Variants in MFSD12 observed in about 807,000 individuals in gnomAD.
MFSD12 encodes major facilitator superfamily domain-containing protein 12.
In MFSD12, 67 loss-of-function variants were observed where a neutral mutation model predicts 51.2. The observed-to-expected ratio is 1.31, with a 90% CI of 1.08 to 1.60. The LOEUF is 1.60. Among genes scored for constraint, MFSD12 ranks in the 40% most tolerant of loss-of-function variants. The pLI is 0.00. For missense variants in MFSD12, 921 were observed against 673.0 expected (o/e 1.37, Z -4.08); for synonymous variants, 441 against 316.7 (o/e 1.39, Z -4.17).
chr19:3,548,101 ACC>A lies in MFSD12; in HGVS notation c.654+20_654+21del. 1 of 1,603,176 alleles carries A rather than the reference ACC, an allele frequency of 6.2e-7. No individual in the cohort carries two copies. The highest frequency in any genetic ancestry group is 8.5e-7 in the Non-Finnish European group (1 of 1,178,656). On this transcript the variant is annotated intron_variant, in intron 3 of 9. Coordinates refer to ENST00000355415, the MANE Select transcript of MFSD12 (RefSeq NM_174983.5). ...GCCCCTGGCTCGAGGACTTCAGGCGACCCACCCGGACTCCAGCTCACCCGGAA... is the reference window on the plus strand; with the variant it reads ...GCCCCTGGCTCGAGGACTTCAGGCGACACCCGGACTCCAGCTCACCCGGAA...
downstream of MFSD12, chr19:3,543,409 C>T (rs1465902061): frequency 6.5e-7 from 1 of 1,548,218 alleles, no homozygotes; most frequent in Middle Eastern, 1.9e-4. Flanking sequence ...CGGCCAGCCC[C>T]TTCCGCGAGG....
At chr19:3,546,199 G>C in intron 7 of MFSD12, 31 bp from the exon 8 acceptor site, 1 of 1,609,964 alleles carries the variant, frequency 6.2e-7, no homozygotes, top group Non-Finnish European at 8.5e-7. Context: ...TGGTCAGCGT[G>C]CACCCCGAGA....
downstream of MFSD12, among the ~76,000 whole-genome samples, chr19:3,540,481 C>A (rs898626761): frequency 1.3e-5 from 2 of 150,650 alleles, no homozygotes; most frequent in African/African-American, 4.9e-5. Context: ...TGGTCTCGAT[C>A]TCCTGACCTC....
chr19:3,539,398 C>T, downstream of MFSD12: 1 of 615,414 alleles, frequency 1.6e-6, no homozygotes, highest in Non-Finnish European at 3.0e-6. Context: ...GTGACGTCCC[C>T]TCCAGCTCTT....
chr19:3,542,537 G>A (rs922131147), downstream of MFSD12: 5 of 887,238 alleles, frequency 5.6e-6, no homozygotes, highest in Non-Finnish European at 6.7e-6. Flanking sequence ...GCAAGGGCAC[G>A]ATCTCAGCTT....
chr19:3,539,048 C>G (rs1000861814), intron 4 of MFSD12: 1 of 656,762 alleles, frequency 1.5e-6, no homozygotes. Context: ...GCCCTTCCCT[C>G]GAGGCCACCT....
At position 3,551,820 on chromosome 19, in the gene MFSD12, C is replaced by A. The variant is rs1439603129; in HGVS notation, c.299-626G>T. ...CTGCCCTGTCCCCTCCGTGCCCTGC[C>A]CTGCCCTTCCCTCTCTCCCCCTTCT... On this transcript the variant is annotated intron_variant, in intron 1 of 9. Transcript: ENST00000355415. This position sits in a 1 kb window ranked among gnomAD's most constrained non-coding sequence, Gnocchi z 4.6. Among the ~76,000 whole-genome samples the A allele has an allele frequency of 6.6e-6, 1 of 152,166 alleles. No individual in the cohort carries two copies. The highest frequency in any genetic ancestry group is 1.9e-4 in the East Asian group (1 of 5,178).
downstream of MFSD12, chr19:3,544,158 C>G (rs1455902778): frequency 4.9e-5 from 68 of 1,386,808 alleles, no homozygotes; most frequent in Non-Finnish European, 6.0e-5. Flanking sequence ...GCCCAGGCTA[C>G]CCCTGCCCAG....
Position 3,557,330 on chromosome 19 carries a change from T to C in MFSD12, c.74A>G (p.Tyr25Cys), listed in dbSNP as rs746553320. 7.5e-5 allele frequency: 118 copies of C among 1,563,670 alleles called. No homozygotes were observed. The highest frequency in any genetic ancestry group is 9.9e-5 in the Non-Finnish European group (115 of 1,157,998). Reference sequence around the variant, plus strand: ...GTCGTTGAGGAAGTGGCCCACGGCGTAGCTCAGCCGCGCCACCAGGGACAG... The same window carrying C: ...GTCGTTGAGGAAGTGGCCCACGGCGCAGCTCAGCCGCGCCACCAGGGACAG... ...RPLSLVARLS[Y>C]AVGHFLNDLC... The change falls in exon 1 of 10, where the codon TAC becomes TGC. Residue 25 changes from tyrosine to cysteine, a missense_variant. Transcript: ENST00000355415.
intron 8 of MFSD12, among the ~76,000 whole-genome samples, chr19:3,545,191 G>A (rs1380773155): frequency 2.0e-5 from 3 of 152,136 alleles, no homozygotes; most frequent in Non-Finnish European, 4.4e-5. Flanking sequence ...GCCCCAGCAT[G>A]GCCCGCCTGC....
exon 5 of MFSD12, chr19:3,538,559 T>C (rs1401989533): frequency 1.3e-5 from 5 of 397,788 alleles, no homozygotes; most frequent in African/African-American, 4.1e-5. Flanking sequence ...GTCTGGTGTC[T>C]CTCACTGAGC....
intron 7 of MFSD12, 39 bp from the exon 8 acceptor site, chr19:3,546,207 A>C (rs775427109): frequency 1.2e-6 from 2 of 1,608,778 alleles, no homozygotes; most frequent in Non-Finnish European, 1.7e-6. Context: ...GTGCACCCCG[A>C]GATCTAGGAC....
At chr19:3,543,385 C>G (rs1269557500), downstream of MFSD12, 1 of 1,549,338 alleles carries the variant, frequency 6.5e-7, no homozygotes. Context: ...CCTGGTACAA[C>G]CTGCCACGGG....
At chr19:3,550,934 A>G in intron 2 of MFSD12, 50 bp downstream of exon 2, 1 of 1,525,496 alleles carries the variant, frequency 6.6e-7, no homozygotes, top group Non-Finnish European at 9.0e-7. Context: ...TGACTGATAC[A>G]CCGAGCCGGG....
intron 6 of MFSD12, 127 bp from the exon 7 acceptor site, chr19:3,546,552 G>A: frequency 1.7e-6 from 2 of 1,158,094 alleles, no homozygotes; most frequent in South Asian, 3.1e-5. Flanking sequence ...AAGGAGCCCT[G>A]GCTCTGGCCC....
downstream of MFSD12, among the ~76,000 whole-genome samples, chr19:3,540,478 G>A (rs1220915678): frequency 3.1e-3 from 476 of 151,350 alleles, no homozygotes; most frequent in Middle Eastern, 0.01. Flanking sequence ...GGATGGTCTC[G>A]ATCTCCTGAC....
chr19:3,539,433 G>A (rs987897015), downstream of MFSD12: 69 of 586,228 alleles, frequency 1.2e-4, no homozygotes, highest in Admixed American at 2.3e-4. Flanking sequence ...GCCAGTGGCC[G>A]CTCACTGTGG....
chr19:3,544,027 T>A, downstream of MFSD12: 1 of 1,521,422 alleles, frequency 6.6e-7, no homozygotes, highest in Non-Finnish European at 8.9e-7. Flanking sequence ...GCTACCAGGA[T>A]GCACCCACTG....
chr19:3,546,514 C>G (rs2031069519), intron 6 of MFSD12, 89 bp from the exon 7 acceptor site: 3 of 1,448,518 alleles, frequency 2.1e-6, no homozygotes, highest in Non-Finnish European at 2.8e-6. Context: ...CCAACCCCAG[C>G]AAACAAGGCA....
Sources: gnomAD v4.1 joint callset for allele counts (sites outside exome capture counted in the v4.1 genomes callset) on GRCh38, gnomAD v4.1.1 for gene constraint, Gnocchi (gnomAD v3.1) non-coding constraint, MANE v1.5 for transcripts, NCBI Gene and HGNC (gene_info 2026-07-23, HGNC 2026-07-21) for gene names.